C16orf46: variants seen among roughly 807,000 people sequenced by gnomAD.
C16orf46 encodes the protein chromosome 16 open reading frame 46.
A neutral mutation model predicts 5.5 loss-of-function variants in C16orf46; 7 were observed. The ratio of observed to expected loss-of-function variants is 1.28; its 90% CI spans 0.73 to 2.40. The LOEUF (loss-of-function observed/expected upper bound fraction) is 2.40. C16orf46 is among the 30% of genes most tolerant of loss of function. The pLI, the probability that C16orf46 is intolerant of heterozygous loss-of-function variation, is 0.00. For missense variants in C16orf46, 614 were observed against 476.0 expected, an observed-to-expected ratio of 1.29 and a Z score of -2.70; for synonymous variants, 200 against 184.1, an observed-to-expected ratio of 1.09 and a Z score of -0.70.
chr16:81,068,133 G>A (rs1202704077), intron 1 of C16orf46, among the ~76,000 whole-genome samples: 2 of 152,216 alleles, frequency 1.3e-5, no homozygotes, highest in Admixed American at 6.5e-5. Flanking sequence ...TTAATGAACT[G>A]AGAAGTACAA....
intron 1 of C16orf46, among the ~76,000 whole-genome samples, chr16:81,068,407 T>A (rs1971722553): frequency 3.3e-5 from 5 of 152,074 alleles, no homozygotes; most frequent in Admixed American, 3.3e-4. Context: ...TATTTACAAA[T>A]AAGTAACACT....
intron 1 of C16orf46, among the ~76,000 whole-genome samples, chr16:81,068,852 C>T (rs950526394): frequency 1.3e-5 from 2 of 151,912 alleles, no homozygotes; most frequent in Non-Finnish European, 2.9e-5. Flanking sequence ...CAGGCGCATG[C>T]CACCACGCCC....
intron 1 of C16orf46, chr16:81,076,587 GC>G (rs1972048560): frequency 6.6e-6 from 1 of 152,210 alleles, no homozygotes; most frequent in Admixed American, 6.6e-5. Flanking sequence ...AGAATAAAAA[GC>G]TAAAGCAGCA....
At chr16:81,070,047 C>CTTG (rs1459647080) in intron 1 of C16orf46, 14 of 152,296 alleles carry the variant, frequency 9.2e-5, no homozygotes, top group African/African-American at 3.4e-4. Flanking sequence ...ACTGCTTGAA[C>CTTG]CCAAGAGGCG....
chr16:81,075,500 G>A (rs2151761113), intron 1 of C16orf46, among the ~76,000 whole-genome samples: 1 of 152,284 alleles, frequency 6.6e-6, no homozygotes, highest in South Asian at 2.1e-4. Context: ...AGAGGCAGGA[G>A]AATCGCTTGA....
intron 1 of C16orf46, among the ~76,000 whole-genome samples, chr16:81,070,310 G>A (rs541867751): frequency 6.6e-6 from 1 of 152,272 alleles, no homozygotes; most frequent in Non-Finnish European, 1.5e-5. Flanking sequence ...AGAATTTATT[G>A]GGAAAGGCAA....
At chr16:81,064,165 C>G (rs1971577287) in intron 2 of C16orf46, among the ~76,000 whole-genome samples, 172 bp from the exon 3 acceptor site, 1 of 152,046 alleles carries the variant, frequency 6.6e-6, no homozygotes, top group African/African-American at 2.4e-5. Context: ...AGGCGGATCA[C>G]TTGAGGTCAG....
intron 2 of C16orf46, among the ~76,000 whole-genome samples, chr16:81,064,327 C>T (rs1294237054): frequency 6.8e-6 from 1 of 147,414 alleles, no homozygotes; most frequent in Admixed American, 6.9e-5. Flanking sequence ...TTGGCCACTG[C>T]ACTCCAGCCT....
At chr16:81,059,851 C>T (rs1217286605), downstream of C16orf46, among the ~76,000 whole-genome samples, 1 of 151,334 alleles carries the variant, frequency 6.6e-6, no homozygotes, top group Non-Finnish European at 1.5e-5. Context: ...AGCAGTGGCA[C>T]GATCTCCGCT....
At chr16:81,073,752 G>T (rs1321748050) in intron 1 of C16orf46, among the ~76,000 whole-genome samples, 1 of 152,164 alleles carries the variant, frequency 6.6e-6, no homozygotes, top group Non-Finnish European at 1.5e-5. Flanking sequence ...TGAAGTGGGG[G>T]TCACATCCCA....
At chr16:81,068,889 G>C (rs535997320) in intron 1 of C16orf46, among the ~76,000 whole-genome samples, 9 of 151,714 alleles carry the variant, frequency 5.9e-5, no homozygotes, top group Non-Finnish European at 1.3e-4. Context: ...ATTTTTAGTA[G>C]AGACAGGGTT....
rs377626131 is a variant in C16orf46 at position 81,068,058 on chromosome 16, A to C, written c.-127-1777T>G. ...ATTGAATGGCCAAAGGAACAGGTGTAAATGCAGAAAAGAATAGACATTACT... is the reference window on the plus strand; with the variant it reads ...ATTGAATGGCCAAAGGAACAGGTGTCAATGCAGAAAAGAATAGACATTACT... On this transcript the variant is annotated intron_variant, in intron 1 of 3. Transcript: ENST00000299578. Among the ~76,000 whole-genome samples, 37 of 152,384 alleles carry C rather than the reference A, an allele frequency of 2.4e-4. No individual in the cohort carries two copies. In the East Asian group the frequency reaches 3.9e-3, roughly 16 times the overall value.
intron 2 of C16orf46, among the ~76,000 whole-genome samples, chr16:81,064,564 A>G (rs1390583460): frequency 6.6e-6 from 1 of 151,890 alleles, no homozygotes; most frequent in African/African-American, 2.4e-5. Context: ...CCTGGCCAAC[A>G]TGGCGAAACC....
chr16:81,062,879 C>CTT (rs35694573), intron 3 of C16orf46, among the ~76,000 whole-genome samples: 91,025 of 138,140 alleles, frequency 0.66, 30,906 homozygotes, highest in South Asian at 0.8. Context: ...TAGTTTTATG[C>CTT]TTTTTTTTTT....
chr16:81,067,394 A>AT, intron 1 of C16orf46, among the ~76,000 whole-genome samples: 1 of 152,312 alleles, frequency 6.6e-6, no homozygotes, highest in Non-Finnish European at 1.5e-5. Context: ...GTACTATTAT[A>AT]TTTTTATGTA....
At position 81,063,939 on chromosome 16, in the gene C16orf46, T is replaced by G; in HGVS notation, c.17A>C (p.Lys6Thr). 1 of 1,612,710 alleles carries G rather than the reference T, an allele frequency of 6.2e-7. No individual in the cohort carries two copies. ...AGCATTTTCTAAGTCAGTCTCATTT[T>G]TCTGACAGAGATCCATTACTGTGAT... MDLCQ[K>T]NETDLENAEN... Residue 6 changes from lysine (K) to threonine (T), a missense_variant, in exon 3 of 4, where the codon AAA becomes ACA. Physicochemically the swap from Lys to Thr is moderately conservative, Grantham distance 78. Transcript: ENST00000299578.
At chr16:81,063,262 A>C (rs954189175) in intron 3 of C16orf46, among the ~76,000 whole-genome samples, 2 of 151,160 alleles carry the variant, frequency 1.3e-5, no homozygotes, top group Admixed American at 6.6e-5. Flanking sequence ...AAAAAAAAAA[A>C]AAAAAACCCA....
chr16:81,074,268 C>A (rs80169142), intron 1 of C16orf46, among the ~76,000 whole-genome samples: 92 of 152,338 alleles, frequency 6.0e-4, no homozygotes, highest in African/African-American at 2.1e-3. Context: ...GAAAGCAATA[C>A]CTCAAAAGTG....
rs35014883 is a variant in C16orf46 at position 81,064,746 on chromosome 16, CAA to C, written c.-38-755_-38-754del. On this transcript the variant is annotated intron_variant, in intron 2 of 3. Transcript: ENST00000299578. Reference sequence around the variant, plus strand: ...TGGGCAACAGAGCAAGACTCTGTCTCAAAAAAAAAAAAAAAAAGAAGATATGA... The same window carrying C: ...TGGGCAACAGAGCAAGACTCTGTCTCAAAAAAAAAAAAAAAGAAGATATGA... 3.2e-3 allele frequency among the ~76,000 whole-genome samples: 391 copies of C among 122,198 alleles called. 1 individual carries two copies. Among genetic ancestry groups the C allele is most frequent in the East Asian group, 0.016 (69 of 4,224 alleles). The allele number at this position is 122,198 out of a possible 152,430, so 80.2% of individuals were successfully genotyped here.
Sources: allele counts gnomAD v4.1 joint callset (sites outside exome capture counted in the v4.1 genomes callset), GRCh38; gene constraint gnomAD v4.1.1; transcripts MANE v1.5; gene names NCBI Gene and HGNC (gene_info 2026-07-23, HGNC 2026-07-21).